The following SDK1 variants were observed in gnomAD, a reference collection of about 807,000 sequenced individuals.
SDK1 encodes protein sidekick-1.
SDK1 carries 157 observed loss-of-function variants against 245.5 expected under a neutral mutation model. The ratio of observed to expected loss-of-function variants is 0.64; its 90% CI spans 0.56 to 0.73. The LOEUF (loss-of-function observed/expected upper bound fraction) is 0.73. SDK1 is among the 30% of genes least tolerant of loss of function. The probability of loss-of-function intolerance (pLI) is 0.00; values close to 1 mark genes in which losing one functional copy is unlikely to be tolerated. For missense variants in SDK1, 3,583 were observed against 3,002.3 expected (o/e 1.19, Z -4.52); for synonymous variants, 1,647 against 1,278.5 (o/e 1.29, Z -6.15).
At chr7:4,181,011 T>G (rs755931840) in intron 35 of SDK1, among the ~76,000 whole-genome samples, 3 of 152,190 alleles carry the variant, frequency 2.0e-5, no homozygotes, top group Non-Finnish European at 4.4e-5. Context: ...TCAGCGGCAT[T>G]CAGGATGGTG....
intron 14 of SDK1, among the ~76,000 whole-genome samples, chr7:4,010,092 A>G (rs973059591): frequency 6.6e-6 from 1 of 152,210 alleles, no homozygotes; most frequent in African/African-American, 2.4e-5. Flanking sequence ...TCAGCGAGAC[A>G]GCTCGATTTC....
chr7:4,060,467 T>C (rs947572784), intron 19 of SDK1, among the ~76,000 whole-genome samples: 1 of 152,078 alleles, frequency 6.6e-6, no homozygotes, highest in African/African-American at 2.4e-5. Context: ...TCATGTCCTT[T>C]GCCCACTTTT....
At chr7:4,242,381 A>G (rs1051865791) in intron 43 of SDK1, among the ~76,000 whole-genome samples, 1 of 152,164 alleles carries the variant, frequency 6.6e-6, no homozygotes, top group African/African-American at 2.4e-5. Flanking sequence ...CCATACACGG[A>G]TTGAGTGCAG....
intron 5 of SDK1, among the ~76,000 whole-genome samples, chr7:3,897,475 A>T (rs1781641999): frequency 6.6e-6 from 1 of 152,098 alleles, no homozygotes; most frequent in South Asian, 2.1e-4. Context: ...TTTGTGTGTG[A>T]CTTATCTCAG....
intron 4 of SDK1, among the ~76,000 whole-genome samples, chr7:3,663,514 A>C (rs868862126): frequency 6.6e-6 from 1 of 152,150 alleles, no homozygotes; most frequent in African/African-American, 2.4e-5. Flanking sequence ...TCTTCAGCTG[A>C]GGGACCTGAA....
intron 4 of SDK1, among the ~76,000 whole-genome samples, chr7:3,707,326 G>A (rs779765924): frequency 1.4e-4 from 22 of 152,294 alleles, no homozygotes; most frequent in Middle Eastern, 3.4e-3. Context: ...CATTCCAGGA[G>A]CAGGTTGTTT....
At chr7:3,752,551 C>T (rs918664804) in intron 4 of SDK1, among the ~76,000 whole-genome samples, 1 of 152,168 alleles carries the variant, frequency 6.6e-6, no homozygotes, top group Admixed American at 6.5e-5. Flanking sequence ...AAAAACGTGC[C>T]AGCAGATGCC....
At chr7:4,069,014 G>C (rs1368000587) in intron 20 of SDK1, among the ~76,000 whole-genome samples, 1 of 152,128 alleles carries the variant, frequency 6.6e-6, no homozygotes, top group Non-Finnish European at 1.5e-5. Flanking sequence ...GAGCCACTGC[G>C]CCTGGCCAAA....
intron 4 of SDK1, among the ~76,000 whole-genome samples, chr7:3,658,621 T>C (rs1047010750): frequency 6.8e-6 from 1 of 147,170 alleles, no homozygotes; most frequent in Non-Finnish European, 1.5e-5. Context: ...TTTTTTTTTT[T>C]TTTTTTTTGA....
At chr7:3,604,769 A>G (rs1360236886) in intron 1 of SDK1, among the ~76,000 whole-genome samples, 1 of 151,378 alleles carries the variant, frequency 6.6e-6, no homozygotes, top group Admixed American at 6.6e-5. Flanking sequence ...CGGCAGGCTA[A>G]TTTTGTATTT....
At chr7:3,362,358 G>C (rs541548483) in intron 1 of SDK1, among the ~76,000 whole-genome samples, 84 of 152,244 alleles carry the variant, frequency 5.5e-4, no homozygotes, top group Admixed American at 2.2e-3. Context: ...TCTAACACCT[G>C]TTTGAATCTT....
chr7:3,491,769 C>G (rs1326785323), intron 1 of SDK1, among the ~76,000 whole-genome samples: 2 of 152,178 alleles, frequency 1.3e-5, no homozygotes, highest in Non-Finnish European at 2.9e-5. Flanking sequence ...ACAATAAATA[C>G]AAATTTCGTT....
intron 23 of SDK1, 65 bp from the exon 24 acceptor site, chr7:4,113,224 T>G: frequency 6.5e-7 from 1 of 1,544,962 alleles, no homozygotes. Flanking sequence ...AGCGCCTTTG[T>G]GGTTTCGTTC....
chr7:4,136,538 A>C (rs1374073244), intron 28 of SDK1, among the ~76,000 whole-genome samples: 1 of 152,192 alleles, frequency 6.6e-6, no homozygotes, highest in Admixed American at 6.5e-5. Context: ...AGGAGAAAAC[A>C]CTTGCTTATT....
At chr7:3,738,373 T>A (rs1411653404) in intron 4 of SDK1, among the ~76,000 whole-genome samples, 1 of 152,224 alleles carries the variant, frequency 6.6e-6, no homozygotes, top group Non-Finnish European at 1.5e-5. Context: ...AGGGTTTATT[T>A]CTGGGCTTTC....
chr7:3,648,696 C>T (rs1361069598), intron 4 of SDK1, among the ~76,000 whole-genome samples: 1 of 152,112 alleles, frequency 6.6e-6, no homozygotes, highest in African/African-American at 2.4e-5. Context: ...TTATAGTTAA[C>T]TAGGCTTTCA....
chr7:3,305,920 A>G (rs61401313), intron 1 of SDK1, among the ~76,000 whole-genome samples: 23,282 of 152,168 alleles, frequency 0.15, 2,820 homozygotes, highest in African/African-American at 0.33. Context: ...CATCTTACCT[A>G]TGGGAAAACT....
At chr7:3,736,201 A>G (rs1779314203) in intron 4 of SDK1, among the ~76,000 whole-genome samples, 1 of 152,178 alleles carries the variant, frequency 6.6e-6, no homozygotes, top group Non-Finnish European at 1.5e-5. Context: ...TTCATGTGGT[A>G]CATTTTATCT....
At chr7:3,566,109 TAG>T (rs905108309) in intron 1 of SDK1, among the ~76,000 whole-genome samples, 3 of 152,102 alleles carry the variant, frequency 2.0e-5, no homozygotes, top group African/African-American at 7.2e-5. Context: ...TCTGAGTAAA[TAG>T]AGTTTTTATT....
Sources: gnomAD v4.1 joint callset for allele counts (sites outside exome capture counted in the v4.1 genomes callset) on GRCh38, gnomAD v4.1.1 for gene constraint, MANE v1.5 for transcripts, NCBI Gene and HGNC (gene_info 2026-07-23, HGNC 2026-07-21) for gene names.